Variants in DOCK10 observed in about 807,000 individuals in gnomAD.
DOCK10 encodes dedicator of cytokinesis 10, also known as dedicator of cytokinesis protein 10.
In DOCK10, 145 loss-of-function variants were observed where a neutral mutation model predicts 280.1. The observed-to-expected ratio is 0.52, with a 90% CI of 0.45 to 0.59. The LOEUF is 0.59. Ranked by LOEUF, DOCK10 falls within the 20% of genes least tolerant of loss-of-function variation. The pLI is 0.00. For synonymous variants in DOCK10, 915 were observed against 942.2 expected (o/e 0.97, Z 0.53); for missense variants, 2,368 against 2,651.7 (o/e 0.89, Z 2.35).
In DOCK10 at chr2:224,868,183, T is replaced by G. The variant is rs1698050211; in HGVS notation, c.1258-3096A>C. Reference sequence around the variant, plus strand: ...AAATGGATTGGGAAGTAGGGAAAAATTTTACAAAACAAATGAAAAAATTTT... The same window carrying G: ...AAATGGATTGGGAAGTAGGGAAAAAGTTTACAAAACAAATGAAAAAATTTT... On this transcript the variant is annotated intron_variant, in intron 11 of 55. Transcript: ENST00000258390. Among the ~76,000 whole-genome samples the G allele has an allele frequency of 3.3e-5, 5 of 151,734 alleles. No homozygotes were observed. In the South Asian group the frequency reaches 1.0e-3, roughly 32 times the overall value.
intron 1 of DOCK10, among the ~76,000 whole-genome samples, chr2:224,948,937 C>A (rs1408988401): frequency 6.6e-6 from 1 of 152,188 alleles, no homozygotes; most frequent in Non-Finnish European, 1.5e-5. Flanking sequence ...CACCACAGTT[C>A]TTTATCCTAG....
intron 2 of DOCK10, among the ~76,000 whole-genome samples, chr2:224,930,678 T>G (rs1575075514): frequency 6.6e-6 from 1 of 152,142 alleles, no homozygotes; most frequent in African/African-American, 2.4e-5. Flanking sequence ...CTGAGACCCA[T>G]GCTCCCTGAT....
chr2:224,788,703 T>C (rs534023674), intron 48 of DOCK10, among the ~76,000 whole-genome samples: 1 of 152,208 alleles, frequency 6.6e-6, no homozygotes, highest in Non-Finnish European at 1.5e-5. Flanking sequence ...AAGAAACTAG[T>C]GAACTTTTAC....
At chr2:224,778,485 TA>T in intron 50 of DOCK10, 1 of 628,298 alleles carries the variant, frequency 1.6e-6, no homozygotes, top group African/African-American at 1.8e-5. Context: ...GACATTAATG[TA>T]AATATTTCCT....
At chr2:224,876,269 C>A (rs1385927821) in intron 7 of DOCK10, 48 bp from the exon 8 acceptor site, 2 of 1,469,278 alleles carry the variant, frequency 1.4e-6, no homozygotes, top group Non-Finnish European at 1.8e-6. Flanking sequence ...AAAAAATAAG[C>A]CTTCGAGAGA....
At chr2:224,813,955 T>C (rs1693955674) in intron 31 of DOCK10, among the ~76,000 whole-genome samples, 2 of 152,222 alleles carry the variant, frequency 1.3e-5, no homozygotes, top group Admixed American at 6.5e-5. Context: ...CTTAACAAGA[T>C]TGATCAAACC....
chr2:224,789,515 C>A (rs1003597863), intron 47 of DOCK10, among the ~76,000 whole-genome samples: 3 of 152,082 alleles, frequency 2.0e-5, no homozygotes, highest in African/African-American at 7.2e-5. Context: ...ATATCTCTCT[C>A]AAAGGATGTT....
Position 224,985,062 on chromosome 2 carries a change from TCTG to T in DOCK10, c.124-53397_124-53395del, listed in dbSNP as rs560638360. ...TTAGGTATAAACTCTTCAGCAGGTGTCTGCTATTTTTATTTGAACTATTAATAA... is the reference window on the plus strand; with the variant it reads ...TTAGGTATAAACTCTTCAGCAGGTGTCTATTTTTATTTGAACTATTAATAA... On this transcript the variant is annotated intron_variant, in intron 1 of 55. Transcript: ENST00000258390. 3.3e-3 allele frequency among the ~76,000 whole-genome samples: 497 copies of T among 152,236 alleles called. 3 individuals carry two copies. Among genetic ancestry groups the T allele is most frequent in the African/African-American group, 0.011 (470 of 41,540 alleles).
intron 1 of DOCK10, among the ~76,000 whole-genome samples, chr2:225,030,744 CTTCAA>C (rs1690053058): frequency 6.6e-6 from 1 of 152,028 alleles, no homozygotes. Context: ...GCTCAGTTTA[CTTCAA>C]TTCAATTTGC....
chr2:224,916,561 AAGAC>A, intron 3 of DOCK10, 130 bp downstream of exon 3: 1 of 492,802 alleles, frequency 2.0e-6, no homozygotes, highest in Non-Finnish European at 3.5e-6. Flanking sequence ...AAAAAAAAAA[AAGAC>A]ATCCACTAGT....
intron 26 of DOCK10, among the ~76,000 whole-genome samples, chr2:224,832,089 T>C (rs1052953845): frequency 2.0e-5 from 3 of 152,142 alleles, no homozygotes; most frequent in African/African-American, 7.2e-5. Context: ...TATGTATAGT[T>C]TCAAGAACGC....
intron 2 of DOCK10, among the ~76,000 whole-genome samples, chr2:224,927,746 A>C (rs1702115471): frequency 6.6e-6 from 1 of 152,210 alleles, no homozygotes; most frequent in Non-Finnish European, 1.5e-5. Context: ...TAGTCTAGGA[A>C]GTGCTGTTCT....
At chr2:224,797,799 A>G in intron 42 of DOCK10, 33 bp downstream of exon 42, 1 of 1,606,068 alleles carries the variant, frequency 6.2e-7, no homozygotes, top group Non-Finnish European at 8.5e-7. Context: ...CTGTCATCCT[A>G]CCTAAACTTC....
intron 1 of DOCK10, among the ~76,000 whole-genome samples, chr2:224,953,427 A>AC (rs1004764752): frequency 6.6e-5 from 10 of 152,164 alleles, no homozygotes; most frequent in Non-Finnish European, 1.2e-4. Context: ...ACCAGTGTAC[A>AC]CCCTGCTTAA....
chr2:224,853,016 A>G lies in DOCK10; in HGVS notation c.1995T>C (p.Cys665=). The change falls in exon 17 of 56, where the codon TGT becomes TGC. Residue 665 remains cysteine (C), a synonymous_variant. Transcript: ENST00000258390. The stretch of plus-strand genomic sequence containing the variant: ...GATTTTTATATACTCTGTAAGGCCG[A>G]CAATACTTTGTTGAATCGTAAACAA... ...EEFVYDSTKY[C]RPYRVYKNQI... is the part of the protein sequence containing the mutation. The G allele has an allele frequency of 1.9e-6, 3 of 1,612,904 alleles. No homozygotes were observed. The highest frequency in any genetic ancestry group is 2.5e-6 in the Non-Finnish European group (3 of 1,179,154).
At position 224,950,850 on chromosome 2, in the gene DOCK10, C is replaced by T. The variant is rs11693079; in HGVS notation, c.124-19182G>A. Among the ~76,000 whole-genome samples, 1,425 of 152,180 alleles carry T rather than the reference C, an allele frequency of 9.4e-3. 13 individuals carry two copies. The highest frequency in any genetic ancestry group is 0.014 in the Non-Finnish European group (945 of 68,010). On this transcript the variant is annotated intron_variant, in intron 1 of 55. Transcript: ENST00000258390. ...GAATTAAGAACACAGTCTTGAAGTTCCTTTACATATGGTAGATGGAGGGCA... is the reference window on the plus strand; with the variant it reads ...GAATTAAGAACACAGTCTTGAAGTTTCTTTACATATGGTAGATGGAGGGCA...
At chr2:224,975,452 C>T (rs1705379854) in intron 1 of DOCK10, among the ~76,000 whole-genome samples, 1 of 152,224 alleles carries the variant, frequency 6.6e-6, no homozygotes, top group South Asian at 2.1e-4. Flanking sequence ...GATTCAACCT[C>T]ACTGAAATGA....
At chr2:224,974,826 A>G (rs1405346453) in intron 1 of DOCK10, among the ~76,000 whole-genome samples, 4 of 133,584 alleles carry the variant, frequency 3.0e-5, no homozygotes, top group Non-Finnish European at 6.6e-5. Flanking sequence ...TATAATATAT[A>G]TATATTATAT....
At chr2:224,847,249 C>T (rs955428817) in intron 19 of DOCK10, among the ~76,000 whole-genome samples, 2 of 152,204 alleles carry the variant, frequency 1.3e-5, no homozygotes, top group Non-Finnish European at 2.9e-5. Context: ...ACCATCATTT[C>T]ATTTTCCCCA....
Sources: allele counts gnomAD v4.1 joint callset (sites outside exome capture counted in the v4.1 genomes callset), GRCh38; gene constraint gnomAD v4.1.1; transcripts MANE v1.5; gene names NCBI Gene and HGNC (gene_info 2026-07-23, HGNC 2026-07-21).